N4BP2L2: variants seen among roughly 807,000 people sequenced by gnomAD.
N4BP2L2 encodes the protein NEDD4 binding protein 2 like 2, also known as NEDD4-binding protein 2-like 2.
N4BP2L2 carries 50 observed loss-of-function variants against 56.2 expected under a neutral mutation model. The ratio of observed to expected loss-of-function variants is 0.89; its 90% CI spans 0.71 to 1.13. N4BP2L2 has a LOEUF of 1.13. Ranked by LOEUF, N4BP2L2 falls within the 50% of genes most tolerant of loss-of-function variation. The pLI is 0.00. For missense variants in N4BP2L2, 689 were observed against 693.8 expected (o/e 0.99, Z 0.08); for synonymous variants, 203 against 223.6 (o/e 0.91, Z 0.82).
chr13:32,536,688 C>T (rs780923277), exon 2 of N4BP2L2: 50 of 1,613,968 alleles, frequency 3.1e-5, no homozygotes, highest in Admixed American at 1.0e-4. Flanking sequence ...TATATCTCAT[C>T]GTCTGCGGAT....
intron 6 of N4BP2L2, among the ~76,000 whole-genome samples, chr13:32,474,255 A>T (rs1405167578): frequency 1.3e-5 from 2 of 152,030 alleles, no homozygotes; most frequent in Non-Finnish European, 2.9e-5. Context: ...TGTAGGTAGA[A>T]GGCATATACA....
intron 6 of N4BP2L2, among the ~76,000 whole-genome samples, chr13:32,496,297 T>C (rs2088620761): frequency 6.6e-6 from 1 of 152,112 alleles, no homozygotes; most frequent in Non-Finnish European, 1.5e-5. Context: ...AAGAATTGGG[T>C]CAGCTGGCTG....
At chr13:32,492,476 T>C (rs981124750) in intron 6 of N4BP2L2, among the ~76,000 whole-genome samples, 4 of 152,040 alleles carry the variant, frequency 2.6e-5, no homozygotes, top group Admixed American at 2.6e-4. Context: ...AGCAAATATC[T>C]TTAGGCCTAG....
chr13:32,465,635 T>C (rs554453738), intron 6 of N4BP2L2, among the ~76,000 whole-genome samples: 51 of 152,182 alleles, frequency 3.4e-4, no homozygotes, highest in Non-Finnish European at 7.2e-4. Flanking sequence ...ATATATAAAA[T>C]GGAAAATGCA....
Position 32,470,264 on chromosome 13 carries a change from C to T in N4BP2L2, c.366-26138G>A, listed in dbSNP as rs372111278. On this transcript the variant is annotated intron_variant, in intron 6 of 9. Transcript: ENST00000357505. ...GGAACAGTTTGCCTTCATGGGAGGG[C>T]GACAATGGACTTTCACAGTGTTGCG... Among the ~76,000 whole-genome samples, 48 of 152,200 alleles carry T rather than the reference C, an allele frequency of 3.2e-4. No homozygotes were observed. The South Asian group carries it at 9.4e-3, about 30-fold the overall frequency.
Position 32,435,242 on chromosome 13 carries a change from AT to A in N4BP2L2, c.*21+1118del, listed in dbSNP as rs1010011768. ...CACCTCAATAAACATTTGCTGAATA[AT>A]TTTTTTTTGAGGTGGGGTCTCGCTC... On this transcript the variant is annotated intron_variant, in intron 9 of 9. Transcript: ENST00000357505. Among the ~76,000 whole-genome samples, 41 of 151,410 alleles carry A rather than the reference AT, an allele frequency of 2.7e-4. No homozygotes were observed. In the South Asian group the frequency reaches 4.8e-3, roughly 18 times the overall value.
intron 2 of N4BP2L2, 70 bp from the exon 3 acceptor site, chr13:32,527,602 A>G: frequency 1.3e-6 from 2 of 1,510,454 alleles, no homozygotes; most frequent in Admixed American, 2.0e-5. Context: ...ACTATCAGAA[A>G]TAAATATAAC....
chr13:32,536,935 C>T (rs1259373612), exon 2 of N4BP2L2: 3 of 1,613,676 alleles, frequency 1.9e-6, no homozygotes, highest in Non-Finnish European at 2.5e-6. Context: ...AAACATACGA[C>T]TCTGTGGTTG....
At chr13:32,536,664 C>T in exon 2 of N4BP2L2, 1 of 1,614,032 alleles carries the variant, frequency 6.2e-7, no homozygotes, top group Non-Finnish European at 8.5e-7. Context: ...CCTATAAATG[C>T]TTTACTTGTG....
At chr13:32,466,021 G>A (rs766206127) in intron 6 of N4BP2L2, among the ~76,000 whole-genome samples, 11 of 152,142 alleles carry the variant, frequency 7.2e-5, no homozygotes, top group East Asian at 1.9e-4. Context: ...GCAATCTACC[G>A]AATTGATTTT....
At chr13:32,536,518 A>T (rs1277412592) in exon 2 of N4BP2L2, 1 of 1,613,588 alleles carries the variant, frequency 6.2e-7, no homozygotes, top group Non-Finnish European at 8.5e-7. Flanking sequence ...GGAATAATTC[A>T]TTGTCAATCT....
chr13:32,466,632 A>G (rs920620000), intron 6 of N4BP2L2, among the ~76,000 whole-genome samples: 1 of 152,168 alleles, frequency 6.6e-6, no homozygotes, highest in South Asian at 2.1e-4. Context: ...CCTAAACCCT[A>G]TATTGTTTGG....
chr13:32,471,349 A>T (rs1025010244), intron 6 of N4BP2L2, among the ~76,000 whole-genome samples: 1 of 152,224 alleles, frequency 6.6e-6, no homozygotes, highest in East Asian at 1.9e-4. Context: ...GCCAAGGTGG[A>T]CCTCTGGGCC....
intron 6 of N4BP2L2, among the ~76,000 whole-genome samples, chr13:32,451,874 G>GT (rs1208027097): frequency 6.6e-6 from 1 of 151,912 alleles, no homozygotes; most frequent in African/African-American, 2.4e-5. Flanking sequence ...AGAAAGCCTG[G>GT]GTAGTCCTAG....
chr13:32,520,612 T>C (rs922254170), intron 5 of N4BP2L2, among the ~76,000 whole-genome samples: 5 of 150,074 alleles, frequency 3.3e-5, no homozygotes, highest in African/African-American at 9.9e-5. Context: ...TGAGCTGAGA[T>C]TGCACCACTG....
In N4BP2L2 at chr13:32,492,916, G is replaced by GTTTTTT. The variant is rs35025430; in HGVS notation, c.365+24935_365+24940dup. On this transcript the variant is annotated intron_variant, in intron 6 of 9. Transcript: ENST00000357505. ...TGTGTGAATGTTTTGTAGCTTTTCTGTTTTTTTTTTTTTTTTTTTTGAGAC... is the reference window on the plus strand; with the variant it reads ...TGTGTGAATGTTTTGTAGCTTTTCTGTTTTTTTTTTTTTTTTTTTTTTTTTTGAGAC... Among the ~76,000 whole-genome samples, 519 of 107,484 alleles carry GTTTTTT rather than the reference G, an allele frequency of 4.8e-3. 33 individuals are homozygous for GTTTTTT. Among genetic ancestry groups the GTTTTTT allele is most frequent in the African/African-American group, 0.018 (484 of 27,126 alleles). 70.5% of individuals were successfully genotyped at this position (107,484 alleles called of 152,430 possible).
At position 32,527,393 on chromosome 13, in the gene N4BP2L2, T is replaced by C. The variant is rs370171586; in HGVS notation, c.1384+15A>G. 3 of 1,611,916 alleles carry C rather than the reference T, an allele frequency of 1.9e-6. No homozygotes were observed. The highest frequency in any genetic ancestry group is 2.7e-5 in the African/African-American group (2 of 74,790). On this transcript the variant is annotated intron_variant, in intron 3 of 5. Coordinates refer to ENST00000267068, the Ensembl canonical transcript of N4BP2L2. Reference sequence around the variant, plus strand: ...GCCAAATATTCTATCCTGGGACACTTAGCCCAAAACAAACCTCTGTTCTGG... The same window carrying C: ...GCCAAATATTCTATCCTGGGACACTCAGCCCAAAACAAACCTCTGTTCTGG...
exon 7 of N4BP2L2, chr13:32,442,636 C>G (rs779070308): frequency 6.2e-7 from 1 of 1,613,626 alleles, no homozygotes; most frequent in South Asian, 1.1e-5. Context: ...AGAAATAAAC[C>G]CTGCATCATT....
At chr13:32,525,144 T>C (rs1350903155) in intron 3 of N4BP2L2, 1 of 152,218 alleles carries the variant, frequency 6.6e-6, no homozygotes, top group African/African-American at 2.4e-5. Flanking sequence ...CTCTGCCCTG[T>C]CTATTCATTC....
Sources: gnomAD v4.1 joint callset for allele counts (sites outside exome capture counted in the v4.1 genomes callset) on GRCh38, gnomAD v4.1.1 for gene constraint, MANE v1.5 for transcripts, NCBI Gene and HGNC (gene_info 2026-07-23, HGNC 2026-07-21) for gene names.